CPNE8: variants seen among roughly 807,000 people sequenced by gnomAD.
CPNE8 encodes copine-8.
A neutral mutation model predicts 81.5 loss-of-function variants in CPNE8; 45 were observed. That is an observed-to-expected ratio of 0.55 (90% confidence interval 0.44 to 0.71). The LOEUF (loss-of-function observed/expected upper bound fraction) is 0.71, where lower values mean the gene tolerates loss of function less well. Among genes scored for constraint, CPNE8 ranks in the 30% least tolerant of loss-of-function variants. CPNE8 has a pLI of 0.00. For synonymous variants in CPNE8, 252 were observed against 226.3 expected (o/e 1.11, Z -1.02); for missense variants, 594 against 672.1 (o/e 0.88, Z 1.28).
intron 6 of CPNE8, among the ~76,000 whole-genome samples, chr12:38,791,025 A>G (rs1942310178): frequency 6.6e-6 from 1 of 151,712 alleles, no homozygotes; most frequent in South Asian, 2.1e-4. Flanking sequence ...CATTTAATTT[A>G]CATTCTTCGT....
intron 6 of CPNE8, among the ~76,000 whole-genome samples, chr12:38,827,920 A>G (rs1943225742): frequency 6.6e-6 from 1 of 152,176 alleles, no homozygotes; most frequent in African/African-American, 2.4e-5. Context: ...AAGCCCTGTG[A>G]TGTGCAATTT....
At chr12:38,793,495 T>C (rs1004052229) in intron 6 of CPNE8, among the ~76,000 whole-genome samples, 1 of 151,636 alleles carries the variant, frequency 6.6e-6, no homozygotes, top group Non-Finnish European at 1.5e-5. Flanking sequence ...AACAAAATAC[T>C]TAGAAATAAA....
At chr12:38,740,113 C>T (rs1941058520) in intron 10 of CPNE8, among the ~76,000 whole-genome samples, 1 of 152,182 alleles carries the variant, frequency 6.6e-6, no homozygotes, top group Non-Finnish European at 1.5e-5. Flanking sequence ...TAAATCTTCA[C>T]ATCCCTTGTA....
At chr12:38,775,165 C>G (rs1381016339) in intron 7 of CPNE8, among the ~76,000 whole-genome samples, 1 of 152,010 alleles carries the variant, frequency 6.6e-6, no homozygotes, top group Admixed American at 6.6e-5. Flanking sequence ...TGCTCTGTTG[C>G]CCAGGCTGGA....
intron 10 of CPNE8, among the ~76,000 whole-genome samples, chr12:38,738,478 T>G (rs936770427): frequency 5.3e-5 from 8 of 152,158 alleles, no homozygotes; most frequent in African/African-American, 1.9e-4. Context: ...ATCAACTAAT[T>G]CACAAATTTT....
intron 16 of CPNE8, among the ~76,000 whole-genome samples, chr12:38,681,642 G>A (rs1399888787): frequency 1.3e-5 from 2 of 152,080 alleles, no homozygotes; most frequent in East Asian, 1.9e-4. Flanking sequence ...AAGGCTTTAA[G>A]AGCAAAAACT....
intron 7 of CPNE8, among the ~76,000 whole-genome samples, chr12:38,769,579 A>G (rs1356821264): frequency 1.3e-5 from 2 of 152,178 alleles, no homozygotes; most frequent in African/African-American, 4.8e-5. Flanking sequence ...TTCTAAGAAC[A>G]TGGGGACATT....
chr12:38,735,153 C>T (rs551092545), intron 10 of CPNE8, among the ~76,000 whole-genome samples: 133 of 152,108 alleles, frequency 8.7e-4, no homozygotes, highest in African/African-American at 3.0e-3. Context: ...TGTACTTCAG[C>T]GCAGTGATTT....
chr12:38,736,479 T>C (rs1328204252), intron 10 of CPNE8, among the ~76,000 whole-genome samples: 1 of 148,840 alleles, frequency 6.7e-6, no homozygotes, highest in Non-Finnish European at 1.5e-5. Context: ...TTATCACATT[T>C]AAGCCAAAAT....
In CPNE8 at chr12:38,783,769, C is replaced by T. The variant is rs143629374; in HGVS notation, c.408-7468G>A. ...TCTTACAGATTTTGTCCAAGACTAT[C>T]AAGGCAGTATCTCTACTAGTCTGCA... On this transcript the variant is annotated intron_variant, in intron 6 of 19. Coordinates refer to ENST00000331366, the MANE Select transcript of CPNE8 (RefSeq NM_153634.3). Among the ~76,000 whole-genome samples, 356 of 152,312 alleles carry T rather than the reference C, an allele frequency of 2.3e-3. 1 individual carries two copies. Among genetic ancestry groups the T allele is most frequent in the Non-Finnish European group, 3.8e-3 (260 of 68,030 alleles).
intron 18 of CPNE8, chr12:38,671,088 C>A (rs1323053978): frequency 2.8e-5 from 7 of 252,804 alleles, no homozygotes; most frequent in Non-Finnish European, 4.5e-5. Flanking sequence ...GTCTCTGGGT[C>A]TATCATCTCT....
intron 1 of CPNE8, among the ~76,000 whole-genome samples, chr12:38,902,295 GA>G (rs1350289937): frequency 4.3e-5 from 2 of 46,250 alleles, no homozygotes; most frequent in Admixed American, 2.1e-4. Flanking sequence ...AGGAAGGAAG[GA>G]AAGGAAGGAA....
chr12:38,734,346 C>T (rs192828411), intron 10 of CPNE8, among the ~76,000 whole-genome samples: 12 of 152,132 alleles, frequency 7.9e-5, no homozygotes, highest in Non-Finnish European at 1.5e-4. Context: ...TCATATTAAA[C>T]ATATTAACCT....
At chr12:38,705,399 TC>T (rs1324509225) in intron 13 of CPNE8, among the ~76,000 whole-genome samples, 1 of 152,214 alleles carries the variant, frequency 6.6e-6, no homozygotes, top group Non-Finnish European at 1.5e-5. Flanking sequence ...ACATTTTTTT[TC>T]CTACGGAAAC....
intron 7 of CPNE8, among the ~76,000 whole-genome samples, chr12:38,769,998 G>A (rs888568862): frequency 6.6e-6 from 1 of 152,160 alleles, no homozygotes; most frequent in Non-Finnish European, 1.5e-5. Flanking sequence ...TTGTTTGAGA[G>A]GAAAAGTATT....
chr12:38,704,017 C>A (rs752685165), intron 13 of CPNE8, among the ~76,000 whole-genome samples: 1 of 152,090 alleles, frequency 6.6e-6, no homozygotes, highest in African/African-American at 2.4e-5. Context: ...GCAAACACCA[C>A]GTATTCTTCC....
chr12:38,823,730 C>A (rs1217623509), intron 6 of CPNE8, among the ~76,000 whole-genome samples: 1 of 152,120 alleles, frequency 6.6e-6, no homozygotes, highest in Non-Finnish European at 1.5e-5. Flanking sequence ...TAAATATTTT[C>A]CTCCCAGAGG....
At chr12:38,679,618 T>C in intron 16 of CPNE8, 2 of 985,082 alleles carry the variant, frequency 2.0e-6, no homozygotes, top group Non-Finnish European at 1.2e-6. Context: ...TTAGTCTTTA[T>C]CACCTTCGGC....
rs182701991 is a variant in CPNE8 at position 38,853,379 on chromosome 12, G to A, written c.187-4717C>T. Among the ~76,000 whole-genome samples the A allele has an allele frequency of 1.5e-4, 23 of 151,996 alleles. 1 individual carries two copies. The highest frequency in any genetic ancestry group is 1.1e-3 in the Admixed American group (17 of 15,264). On this transcript the variant is annotated intron_variant, in intron 3 of 19. Transcript: ENST00000331366. ...TTTAACTTGTGTCCTAAAAAGTCTCGTTCTGAATATCAATAATACTAGATT... is the reference window on the plus strand; with the variant it reads ...TTTAACTTGTGTCCTAAAAAGTCTCATTCTGAATATCAATAATACTAGATT...
Sources: allele counts gnomAD v4.1 joint callset (sites outside exome capture counted in the v4.1 genomes callset), GRCh38; gene constraint gnomAD v4.1.1; transcripts MANE v1.5; gene names NCBI Gene and HGNC (gene_info 2026-07-23, HGNC 2026-07-21).